TRAPPC8: variants seen among roughly 807,000 people sequenced by gnomAD.
TRAPPC8 encodes the protein trafficking protein particle complex subunit 8.
A neutral mutation model predicts 174.3 loss-of-function variants in TRAPPC8; 54 were observed. That is an observed-to-expected ratio of 0.31 (90% CI 0.25 to 0.39). The LOEUF is 0.39. TRAPPC8 is among the 10% of genes least tolerant of loss of function. The probability of loss-of-function intolerance (pLI) is 1.00; values close to 1 mark genes in which losing one functional copy is unlikely to be tolerated. For missense variants in TRAPPC8, 1,531 were observed against 1,699.1 expected, an observed-to-expected ratio of 0.90 and a Z score of 1.74; for synonymous variants, 630 against 579.9, an observed-to-expected ratio of 1.09 and a Z score of -1.24.
chr18:31,924,887 A>C (rs1262817499), intron 2 of TRAPPC8, among the ~76,000 whole-genome samples: 4 of 152,180 alleles, frequency 2.6e-5, no homozygotes, highest in African/African-American at 9.7e-5. Flanking sequence ...TAATTAGATA[A>C]AACAATTTCC....
Position 31,857,527 on chromosome 18 carries a change from T to C in TRAPPC8, c.3188+13A>G. 6.4e-7 allele frequency: 1 copy of C among 1,553,498 alleles called. No individual in the cohort carries two copies. Among genetic ancestry groups the C allele is most frequent in the Non-Finnish European group, 8.7e-7 (1 of 1,153,194 alleles). ...ACATAGATGTTAAATTTTATAAGTT[T>C]TATAATACTAACCGTATTTTTGGCT... On this transcript the variant is annotated intron_variant, in intron 20 of 28. Transcript: ENST00000283351.
Position 31,829,446 on chromosome 18 carries a change from G to A in TRAPPC8, c.*1309C>T, listed in dbSNP as rs948453103. 16 of 152,040 alleles carry A rather than the reference G, an allele frequency of 1.1e-4. No individual in the cohort carries two copies. Among genetic ancestry groups the A allele is most frequent in the African/African-American group, 3.9e-4 (16 of 41,376 alleles). The allele number at this position is 152,040 out of a possible 1,614,324, so 9.4% of individuals were successfully genotyped here. On this transcript the variant is annotated 3_prime_UTR_variant, in exon 29 of 29. Coordinates refer to ENST00000283351, the MANE Select transcript of TRAPPC8 (RefSeq NM_014939.5). The stretch of plus-strand genomic sequence containing the variant: ...AGAATGTGACCTTCCTCTCCAACTT[G>A]TCCCACACCTGCTAAGACACAGAGT...
chr18:31,931,255 C>G lies in TRAPPC8; in HGVS notation c.352+74G>C, dbSNP rs554910353. 5.8e-6 allele frequency: 8 copies of G among 1,372,814 alleles called. No individual in the cohort carries two copies. In the South Asian group the frequency reaches 9.9e-5, roughly 17 times the overall value. 85.0% of individuals were successfully genotyped at this position (1,372,814 alleles called of 1,614,324 possible). ...ACTCTTAAATACATGTTGATCATCT[C>G]CCAAGTCATAGAATCGCTTTTTCTA... is the stretch of plus-strand genomic sequence containing the variant. On this transcript the variant is annotated intron_variant, in intron 2 of 28. Transcript: ENST00000283351.
Position 31,871,052 on chromosome 18 carries a change from G to C in TRAPPC8, c.2131C>G (p.Arg711Gly). Reference sequence around the variant, plus strand: ...GAAACAACTTGTTCCTCAAGTTCTCGCCACTGCTGAGAGGATTCAGAATCA... The same window carrying C: ...GAAACAACTTGTTCCTCAAGTTCTCCCCACTGCTGAGAGGATTCAGAATCA... ...EYDSESSQQW[R>G]ELEEQVVSVV... The change falls in exon 15 of 29, where the codon CGA (arginine) becomes GGA (glycine). Residue 711 changes from arginine to glycine, a missense_variant. Transcript: ENST00000283351. The C allele has an allele frequency of 6.2e-7, 1 of 1,610,980 alleles. No individual in the cohort carries two copies. The highest frequency in any genetic ancestry group is 8.5e-7 in the Non-Finnish European group (1 of 1,178,202).
chr18:31,832,998 A>G (rs1234072864), intron 27 of TRAPPC8, among the ~76,000 whole-genome samples: 6 of 152,208 alleles, frequency 3.9e-5, no homozygotes, highest in African/African-American at 1.4e-4. Context: ...ACTGAGAAAT[A>G]CTTTTTAAAC....
chr18:31,829,426 G>C lies in TRAPPC8; in HGVS notation c.*1329C>G, dbSNP rs2032235129. ...AGAAGGAAATGAGTGTCCTTAGAAT[G>C]TGACCTTCCTCTCCAACTTGTCCCA... is the stretch of plus-strand genomic sequence containing the variant. On this transcript the variant is annotated 3_prime_UTR_variant, in exon 29 of 29. Transcript: ENST00000283351. 6.6e-6 allele frequency: 1 copy of C among 152,122 alleles called. No individual in the cohort carries two copies. Among genetic ancestry groups the C allele is most frequent in the African/African-American group, 2.4e-5 (1 of 41,412 alleles). The allele number at this position is 152,122 out of a possible 1,614,324, so 9.4% of individuals were successfully genotyped here. A position where few individuals can be genotyped will look rare whatever the true frequency, so the allele number is the denominator to read the frequency against.
At chr18:31,867,608 G>A (rs1010295325) in intron 16 of TRAPPC8, 132 bp from the exon 17 acceptor site, 12 of 652,668 alleles carry the variant, frequency 1.8e-5, no homozygotes, top group Non-Finnish European at 2.9e-5. Context: ...ACCACATGCT[G>A]AGCTCTACAC....
chr18:31,940,130 C>T (rs965987307), intron 1 of TRAPPC8, among the ~76,000 whole-genome samples: 1 of 152,180 alleles, frequency 6.6e-6, no homozygotes, highest in Non-Finnish European at 1.5e-5. Flanking sequence ...ACATTGATTA[C>T]ACATTGAAAT....
At chr18:31,851,125 C>T (rs58098304) in intron 24 of TRAPPC8, among the ~76,000 whole-genome samples, 38,219 of 151,990 alleles carry the variant, frequency 0.25, 5,366 homozygotes, top group South Asian at 0.52. Context: ...TTAGAATTAT[C>T]AAGGAGACGA....
chr18:31,846,430 C>T (rs1247743961), intron 26 of TRAPPC8, among the ~76,000 whole-genome samples: 2 of 151,922 alleles, frequency 1.3e-5, no homozygotes, highest in East Asian at 3.9e-4. Context: ...CAAAAATTAG[C>T]CAGGTGTGGT....
intron 12 of TRAPPC8, among the ~76,000 whole-genome samples, chr18:31,878,678 T>C (rs1056709397): frequency 6.6e-6 from 1 of 152,136 alleles, no homozygotes. Context: ...AAAAATAGCT[T>C]AATTGTTCTA....
At chr18:31,884,776 GTGGGA>G (rs2035622896) in intron 12 of TRAPPC8, among the ~76,000 whole-genome samples, 1 of 152,104 alleles carries the variant, frequency 6.6e-6, no homozygotes, top group African/African-American at 2.4e-5. Flanking sequence ...GGGGGCCAAG[GTGGGA>G]TGATCTCTTG....
intron 27 of TRAPPC8, among the ~76,000 whole-genome samples, chr18:31,837,951 T>TAA (rs201699967): frequency 0.02 from 2,674 of 136,760 alleles, 83 homozygotes; most frequent in African/African-American, 0.068. Flanking sequence ...TTAGCTTTGT[T>TAA]AAAAAAAAAA....
chr18:31,902,378 C>A (rs2036470197), intron 9 of TRAPPC8, among the ~76,000 whole-genome samples: 1 of 152,160 alleles, frequency 6.6e-6, no homozygotes, highest in Non-Finnish European at 1.5e-5. Context: ...GCTGACCCTA[C>A]ACTGGTCCGA....
intron 24 of TRAPPC8, 77 bp downstream of exon 24, chr18:31,852,369 G>A (rs7239629): frequency 0.28 from 438,350 of 1,547,296 alleles, 66,398 homozygotes; most frequent in South Asian, 0.52. Flanking sequence ...GAATTACTGC[G>A]ATAAGCCTTG....
Position 31,857,612 on chromosome 18 carries a change from G to C in TRAPPC8, c.3116C>G (p.Pro1039Arg). ...AATTTCATGGACACCTTCTTCATCA[G>C]GCCCACGTAACCACATTGGCAGCTG... Reference protein sequence around the residue: ...SVQLPMWLRGPDEEGVHEINF... With the variant: ...SVQLPMWLRGRDEEGVHEINF... The change falls in exon 20 of 29, where the codon CCT becomes CGT. Residue 1039 changes from proline to arginine, a missense_variant. Coordinates refer to ENST00000283351, the MANE Select transcript of TRAPPC8 (RefSeq NM_014939.5). The C allele has an allele frequency of 6.2e-7, 1 of 1,613,646 alleles. No homozygotes were observed. The highest frequency in any genetic ancestry group is 1.1e-5 in the South Asian group (1 of 91,018).
intron 19 of TRAPPC8, among the ~76,000 whole-genome samples, chr18:31,860,925 T>C (rs1422030607): frequency 1.3e-5 from 2 of 152,336 alleles, no homozygotes; most frequent in East Asian, 1.9e-4. Flanking sequence ...GCTGAAAGTA[T>C]AGCTTTTATC....
rs118034426 is a variant in TRAPPC8 at position 31,856,210 on chromosome 18, G to A, written c.3189-403C>T. On this transcript the variant is annotated intron_variant, in intron 20 of 28. Transcript: ENST00000283351. ...GCAACCTCTGCCTCCCAGATCAAGC[G>A]ATTCTCCTGCCTCAGTCTCTGAGTA... is the stretch of plus-strand genomic sequence containing the variant. Among the ~76,000 whole-genome samples, 197 of 152,084 alleles carry A rather than the reference G, an allele frequency of 1.3e-3. 5 individuals are homozygous for A. The East Asian group carries it at 0.033, about 25-fold the overall frequency.
At chr18:31,874,228 T>C (rs1426889477) in intron 13 of TRAPPC8, 1 of 472,598 alleles carries the variant, frequency 2.1e-6, no homozygotes, top group Non-Finnish European at 3.7e-6. Flanking sequence ...GTGGAATCTT[T>C]TTTTTTTTTA....
Sources: allele counts gnomAD v4.1 joint callset (sites outside exome capture counted in the v4.1 genomes callset), GRCh38; gene constraint gnomAD v4.1.1; transcripts MANE v1.5; gene names NCBI Gene and HGNC (gene_info 2026-07-23, HGNC 2026-07-21).